TXNRD2: variants seen among roughly 807,000 people sequenced by gnomAD.
The protein encoded by TXNRD2 is thioredoxin reductase 2, also known as thioredoxin reductase 2, mitochondrial.
In TXNRD2, 67 loss-of-function variants were observed where a neutral mutation model predicts 70.8. That is an observed-to-expected ratio of 0.95 (90% confidence interval 0.78 to 1.16). The LOEUF is 1.16. Ranked by LOEUF, TXNRD2 falls within the 50% of genes most tolerant of loss-of-function variation. TXNRD2 has a pLI of 0.00. For missense variants in TXNRD2, 644 were observed against 719.9 expected, an observed-to-expected ratio of 0.89 and a Z score of 1.21; for synonymous variants, 301 against 295.8, an observed-to-expected ratio of 1.02 and a Z score of -0.18.
intron 1 of TXNRD2, chr22:19,933,544 G>C: frequency 1.6e-6 from 2 of 1,283,204 alleles, no homozygotes; most frequent in South Asian, 2.5e-5. Context: ...GGCAGGGTGA[G>C]CAGCTGTCTG....
At chr22:19,907,666 A>G (rs1940117780) in intron 8 of TXNRD2, among the ~76,000 whole-genome samples, 1 of 42,006 alleles carries the variant, frequency 2.4e-5, no homozygotes, top group Non-Finnish European at 4.6e-5. Context: ...AGTAGCAGTG[A>G]CCGCTCTCAG....
chr22:19,883,591 A>T, intron 11 of TXNRD2, 130 bp from the exon 12 acceptor site: 1 of 1,339,432 alleles, frequency 7.5e-7, no homozygotes, highest in Non-Finnish European at 1.1e-6. Flanking sequence ...TAATCCCAGC[A>T]CTGTAGGAGG....
chr22:19,903,060 G>C, intron 8 of TXNRD2: 1 of 518,466 alleles, frequency 1.9e-6, no homozygotes, highest in Non-Finnish European at 3.8e-6. Context: ...TGCGAGGACA[G>C]ACAGCAGCAG....
intron 6 of TXNRD2, 133 bp downstream of exon 6, chr22:19,915,631 CA>C: frequency 2.4e-6 from 2 of 836,802 alleles, no homozygotes; most frequent in Admixed American, 4.1e-5. Flanking sequence ...TGCCCAGCCT[CA>C]AAAGAAGCCA....
At chr22:19,888,345 G>C (rs1347357040) in intron 11 of TXNRD2, among the ~76,000 whole-genome samples, 1 of 152,314 alleles carries the variant, frequency 6.6e-6, no homozygotes, top group East Asian at 1.9e-4. Flanking sequence ...AGAGAAGGCT[G>C]AAGCCCAAAA....
chr22:19,909,884 C>CACACACACCCT (rs1569093919), intron 8 of TXNRD2, among the ~76,000 whole-genome samples: 1 of 44,818 alleles, frequency 2.2e-5, no homozygotes, highest in Non-Finnish European at 3.5e-5. Context: ...TCACACACAC[C>CACACACACCCT]ACTCACACAC....
chr22:19,909,215 A>C (rs560242305), intron 8 of TXNRD2, among the ~76,000 whole-genome samples: 4,492 of 152,108 alleles, frequency 0.03, 247 homozygotes, highest in African/African-American at 0.1. Context: ...CAAAAAAAAA[A>C]AAAAAAAAGG....
At chr22:19,937,922 A>G (rs1453165231) in intron 1 of TXNRD2, 4 of 152,214 alleles carry the variant, frequency 2.6e-5, no homozygotes, top group African/African-American at 9.7e-5. Context: ...ACTCAGACCA[A>G]TGTTGTGTTT....
At chr22:19,880,294 GGA>G in intron 13 of TXNRD2, 23 bp from the exon 14 acceptor site, 1 of 1,612,086 alleles carries the variant, frequency 6.2e-7, no homozygotes, top group East Asian at 2.2e-5. Context: ...CTGGAGTCAG[GGA>G]GGGCCCTTGG....
intron 8 of TXNRD2, among the ~76,000 whole-genome samples, chr22:19,904,576 G>A (rs1284550190): frequency 8.5e-5 from 13 of 152,218 alleles, no homozygotes; most frequent in Non-Finnish European, 1.3e-4. Flanking sequence ...GGCACCACTC[G>A]CCAGATCTGG....
At chr22:19,877,959 T>A in intron 16 of TXNRD2, 131 bp downstream of exon 16, 1 of 792,122 alleles carries the variant, frequency 1.3e-6, no homozygotes, top group Non-Finnish European at 2.2e-6. Flanking sequence ...GCCTGAGGAA[T>A]CTCTGCTGCA....
chr22:19,876,422 C>T (rs1938509076), intron 17 of TXNRD2: 1 of 152,332 alleles, frequency 6.6e-6, no homozygotes, highest in African/African-American at 2.4e-5. Context: ...GGGGCTCTGG[C>T]ACAGGCATCC....
rs45536341 is a variant in TXNRD2, at chr22:19,941,682, C to A, written c.103+19G>T. 1.4e-6 allele frequency: 2 copies of A among 1,465,466 alleles called. No homozygotes were observed. Among genetic ancestry groups the A allele is most frequent in the East Asian group, 5.8e-5 (2 of 34,514 alleles). The allele number at this position is 1,465,466 out of a possible 1,614,324, so 90.8% of individuals were successfully genotyped here. A position where few individuals can be genotyped will look rare whatever the true frequency, so the allele number is the denominator to read the frequency against. Reference sequence around the variant, plus strand: ...GCCGCGCGGACACCTACCGCGGGGACGCCCCGACCCCATCCTACCTGCTGC... The same window carrying A: ...GCCGCGCGGACACCTACCGCGGGGAAGCCCCGACCCCATCCTACCTGCTGC... On this transcript the variant is annotated intron_variant, in intron 1 of 17. Coordinates refer to ENST00000400521, the MANE Select transcript of TXNRD2 (RefSeq NM_006440.5).
chr22:19,893,200 G>A (rs373913899), intron 11 of TXNRD2, among the ~76,000 whole-genome samples: 1 of 152,198 alleles, frequency 6.6e-6, no homozygotes, highest in Admixed American at 6.5e-5. Context: ...ACGCAAGCCC[G>A]GTTAGCTGAT....
chr22:19,900,875 C>T (rs1601419109), intron 8 of TXNRD2, among the ~76,000 whole-genome samples: 4 of 152,264 alleles, frequency 2.6e-5, no homozygotes. Context: ...GTGCCCTTTG[C>T]CCCCTGCTCC....
At chr22:19,878,741 G>T (rs1938623179) in intron 14 of TXNRD2, among the ~76,000 whole-genome samples, 1 of 152,214 alleles carries the variant, frequency 6.6e-6, no homozygotes, top group Non-Finnish European at 1.5e-5. Flanking sequence ...AAGCAGCCAG[G>T]CCAGGCACAG....
At chr22:19,880,918 T>C (rs763366997) in intron 12 of TXNRD2, 9 of 598,378 alleles carry the variant, frequency 1.5e-5, no homozygotes, top group Non-Finnish European at 2.7e-5. Context: ...GGTTGCTCAT[T>C]CTCCTGTTTG....
At position 19,911,693 on chromosome 22, in the gene TXNRD2, C is replaced by G. The variant is rs79099740; in HGVS notation, c.592-246G>C. On this transcript the variant is annotated intron_variant, in intron 7 of 17. Transcript: ENST00000400521. ...TCGCAGGGTACCTTTCCCCTCTGTT[C>G]CCCAGGACCCTCCCCTTGACCCTGG... Among the ~76,000 whole-genome samples the G allele has an allele frequency of 0.015, 2,262 of 152,276 alleles. 72 individuals are homozygous for G. The highest frequency in any genetic ancestry group is 0.051 in the African/African-American group (2,110 of 41,542).
chr22:19,917,339 G>C (rs1013270692), intron 5 of TXNRD2, among the ~76,000 whole-genome samples: 1 of 152,158 alleles, frequency 6.6e-6, no homozygotes, highest in Non-Finnish European at 1.5e-5. Flanking sequence ...ATGTGGCTTA[G>C]CTCCCTGGAT....
Sources: gnomAD v4.1 joint callset for allele counts (sites outside exome capture counted in the v4.1 genomes callset) on GRCh38, gnomAD v4.1.1 for gene constraint, MANE v1.5 for transcripts, NCBI Gene and HGNC (gene_info 2026-07-23, HGNC 2026-07-21) for gene names.